Variants in ARHGAP15 observed in about 807,000 individuals in gnomAD.
The protein encoded by ARHGAP15 is rho GTPase-activating protein 15.
In ARHGAP15, 51 loss-of-function variants were observed where a neutral mutation model predicts 63.7. The observed-to-expected ratio is 0.80, with a 90% confidence interval of 0.64 to 1.01. The LOEUF (loss-of-function observed/expected upper bound fraction) is 1.01. Ranked by LOEUF, ARHGAP15 falls within the 50% of genes least tolerant of loss-of-function variation. ARHGAP15 has a pLI of 0.00. For synonymous variants in ARHGAP15, 191 were observed against 193.8 expected (o/e 0.99, Z 0.12); for missense variants, 560 against 564.6 (o/e 0.99, Z 0.08).
chr2:143,491,506 G>A (rs987398165), intron 9 of ARHGAP15, among the ~76,000 whole-genome samples: 1 of 152,148 alleles, frequency 6.6e-6, no homozygotes, highest in Admixed American at 6.5e-5. Flanking sequence ...AACCATACTG[G>A]ATGGCATTAG....
chr2:143,366,181 T>G (rs1335654834), intron 6 of ARHGAP15, among the ~76,000 whole-genome samples: 1 of 152,122 alleles, frequency 6.6e-6, no homozygotes, highest in African/African-American at 2.4e-5. Flanking sequence ...CAATTTTAAT[T>G]TTGTATCCTC....
At chr2:143,606,052 A>AAAAAAAAAAG (rs1698006331) in intron 11 of ARHGAP15, among the ~76,000 whole-genome samples, 1 of 135,794 alleles carries the variant, frequency 7.4e-6, no homozygotes, top group African/African-American at 2.6e-5. Context: ...AAAAAAAAAA[A>AAAAAAAAAAG]AAAAAAAAAA....
chr2:143,635,194 CTTTTTTTT>C (rs10558886), intron 12 of ARHGAP15, among the ~76,000 whole-genome samples: 26 of 26,878 alleles, frequency 9.7e-4, no homozygotes, highest in Admixed American at 1.3e-3. Flanking sequence ...CTCTCAGGAG[CTTTTTTTT>C]TTTTTTTTTT....
intron 11 of ARHGAP15, among the ~76,000 whole-genome samples, chr2:143,603,799 C>T (rs1165662305): frequency 6.6e-6 from 1 of 152,164 alleles, no homozygotes; most frequent in East Asian, 1.9e-4. Flanking sequence ...ATCATGTTCT[C>T]AGTGGAAAAG....
chr2:143,525,489 A>G (rs78850036), intron 10 of ARHGAP15, among the ~76,000 whole-genome samples: 4,886 of 151,332 alleles, frequency 0.032, 114 homozygotes, highest in Non-Finnish European at 0.05. Context: ...TTTGCTTTTC[A>G]TGCCTTATGT....
At chr2:143,373,055 C>T (rs1686632869) in intron 6 of ARHGAP15, among the ~76,000 whole-genome samples, 1 of 108,448 alleles carries the variant, frequency 9.2e-6, no homozygotes, top group African/African-American at 5.0e-5. Context: ...ATAGATGAGA[C>T]AGATAAAGAG....
intron 10 of ARHGAP15, among the ~76,000 whole-genome samples, chr2:143,538,287 A>G (rs1006988474): frequency 1.5e-4 from 23 of 152,108 alleles, no homozygotes; most frequent in Admixed American, 9.2e-4. Flanking sequence ...GGGCTGAGAC[A>G]ATGGGGTTTT....
At chr2:143,228,893 G>A (rs1333463496) in intron 5 of ARHGAP15, among the ~76,000 whole-genome samples, 1 of 152,104 alleles carries the variant, frequency 6.6e-6, no homozygotes, top group African/African-American at 2.4e-5. Flanking sequence ...TGAGATGTAT[G>A]GTGAGCAGCT....
chr2:143,388,918 C>T (rs1687417241), intron 6 of ARHGAP15, among the ~76,000 whole-genome samples: 1 of 151,794 alleles, frequency 6.6e-6, no homozygotes, highest in African/African-American at 2.4e-5. Context: ...GTCTCCAGTT[C>T]ATATTACTAT....
intron 5 of ARHGAP15, chr2:143,237,294 G>A (rs927078053): frequency 6.6e-6 from 1 of 152,124 alleles, no homozygotes; most frequent in African/African-American, 2.4e-5. Flanking sequence ...TGAGCAATAA[G>A]GCCTGAGCTC....
intron 11 of ARHGAP15, among the ~76,000 whole-genome samples, chr2:143,603,459 A>G (rs1380021588): frequency 6.6e-6 from 1 of 152,034 alleles, no homozygotes; most frequent in Non-Finnish European, 1.5e-5. Context: ...GAGAGACCCC[A>G]CTGTTCTTTG....
chr2:143,578,053 C>A lies in ARHGAP15; in HGVS notation c.1003+21568C>A, dbSNP rs1383964370. ...AATTAATTTTGCAGAGTTTTGGGAA[C>A]TTTTTAAAAATATTCAGTAATTGCT... is the stretch of plus-strand genomic sequence containing the variant. On this transcript the variant is annotated intron_variant, in intron 11 of 13. Coordinates refer to ENST00000295095, the MANE Select transcript of ARHGAP15 (RefSeq NM_018460.4). Among the ~76,000 whole-genome samples, 5 of 152,234 alleles carry A rather than the reference C, an allele frequency of 3.3e-5. No individual in the cohort carries two copies. In the East Asian group the frequency reaches 9.7e-4, roughly 29 times the overall value.
intron 6 of ARHGAP15, among the ~76,000 whole-genome samples, chr2:143,317,795 T>C (rs940836826): frequency 1.3e-5 from 2 of 152,204 alleles, no homozygotes; most frequent in Non-Finnish European, 2.9e-5. Context: ...CAAAGACAGA[T>C]AACTGGTTAG....
At chr2:143,381,703 T>C (rs1400392621) in intron 6 of ARHGAP15, among the ~76,000 whole-genome samples, 1 of 152,096 alleles carries the variant, frequency 6.6e-6, no homozygotes, top group African/African-American at 2.4e-5. Flanking sequence ...GACCATCCTC[T>C]TGTGTCTTTT....
chr2:143,634,504 A>G (rs1191443240), intron 12 of ARHGAP15, among the ~76,000 whole-genome samples: 1 of 152,174 alleles, frequency 6.6e-6, no homozygotes, highest in South Asian at 2.1e-4. Flanking sequence ...ACACAGTATC[A>G]AGTTCACTGG....
At chr2:143,462,438 AAAGGCACAAAGTTTTACTG>A (rs1347097497) in intron 8 of ARHGAP15, among the ~76,000 whole-genome samples, 5 of 152,216 alleles carry the variant, frequency 3.3e-5, no homozygotes, top group African/African-American at 9.6e-5. Flanking sequence ...ATAGCAAAAA[AAAGGCACAAAGTTTTACTG>A]AAGGTTAGAT....
intron 2 of ARHGAP15, among the ~76,000 whole-genome samples, chr2:143,174,180 C>G (rs1690917449): frequency 1.3e-5 from 2 of 151,998 alleles, no homozygotes; most frequent in Non-Finnish European, 2.9e-5. Context: ...TTCATAATAC[C>G]AGCTCTGCCA....
chr2:143,328,425 A>G (rs1464694146), intron 6 of ARHGAP15, among the ~76,000 whole-genome samples: 1 of 152,166 alleles, frequency 6.6e-6, no homozygotes, highest in Admixed American at 6.5e-5. Flanking sequence ...AAAGGAGTTC[A>G]TGTCCTCTGC....
intron 6 of ARHGAP15, among the ~76,000 whole-genome samples, chr2:143,283,813 CTG>C (rs1280252085): frequency 2.4e-4 from 36 of 152,272 alleles, no homozygotes; most frequent in Admixed American, 1.4e-3. Context: ...TGAATTGTAA[CTG>C]TGAATATTTT....
Sources: gnomAD v4.1 joint callset for allele counts (sites outside exome capture counted in the v4.1 genomes callset) on GRCh38, gnomAD v4.1.1 for gene constraint, MANE v1.5 for transcripts, NCBI Gene and HGNC (gene_info 2026-07-23, HGNC 2026-07-21) for gene names.